Variants in PDE2A observed in about 807,000 individuals in gnomAD.
PDE2A encodes the protein cGMP-dependent 3',5'-cyclic phosphodiesterase.
In PDE2A, 53 loss-of-function variants were observed where a neutral mutation model predicts 133.6. That is an observed-to-expected ratio of 0.40 (90% CI 0.32 to 0.50). The LOEUF (loss-of-function observed/expected upper bound fraction) is 0.50. Ranked by LOEUF, PDE2A falls within the 20% of genes least tolerant of loss-of-function variation. PDE2A has a pLI of 0.73. For synonymous variants in PDE2A, 491 were observed against 490.2 expected (o/e 1.00, Z -0.02); for missense variants, 796 against 1,232.4 (o/e 0.65, Z 5.30).
In PDE2A at chr11:72,633,369, G is replaced by A. The variant is rs1079117; in HGVS notation, c.144+8885C>T. 5.5e-3 allele frequency among the ~76,000 whole-genome samples: 833 copies of A among 152,338 alleles called. 5 individuals are homozygous for A. Among genetic ancestry groups the A allele is most frequent in the African/African-American group, 0.019 (793 of 41,574 alleles). Reference sequence around the variant, plus strand: ...CTGAGCCCCTCCTGAAGACACTGAAGGAGTGGCCCCAGGACTGAAGGGGGG... The same window carrying A: ...CTGAGCCCCTCCTGAAGACACTGAAAGAGTGGCCCCAGGACTGAAGGGGGG... On this transcript the variant is annotated intron_variant, in intron 2 of 30. Coordinates refer to ENST00000334456, the MANE Select transcript of PDE2A (RefSeq NM_002599.5).
At chr11:72,613,926 C>T (rs139653138) in intron 2 of PDE2A, among the ~76,000 whole-genome samples, 2,533 of 152,290 alleles carry the variant, frequency 0.017, 36 homozygotes, top group Middle Eastern at 0.041. Context: ...ACCTCTGTGC[C>T]TAGCATGGGT....
intron 6 of PDE2A, among the ~76,000 whole-genome samples, chr11:72,592,426 A>AG (rs908628436): frequency 6.6e-6 from 1 of 152,182 alleles, no homozygotes; most frequent in African/African-American, 2.4e-5. Context: ...GGAAGCTCAC[A>AG]GTCTGTCTGG....
intron 30 of PDE2A, 89 bp from the exon 31 acceptor site, chr11:72,577,683 T>A: frequency 1.1e-6 from 1 of 909,838 alleles, no homozygotes; most frequent in Non-Finnish European, 1.8e-6. Context: ...AAATAGAACT[T>A]CCACAAGGGC....
rs1421480522 is a variant in PDE2A, at chr11:72,577,674, A to G, written c.2616-80T>C. On this transcript the variant is annotated intron_variant, in intron 30 of 30. Transcript: ENST00000334456. ...CAAGAAAGACTAGGGCTACACAACA[A>G]ATAGAACTTCCACAAGGGCCAGGTA... 3.8e-6 allele frequency: 4 copies of G among 1,048,902 alleles called. No individual in the cohort carries two copies. In the East Asian group the frequency reaches 7.2e-5, roughly 19 times the overall value. The allele number at this position is 1,048,902 out of a possible 1,614,324, so 65.0% of individuals were successfully genotyped here.
chr11:72,580,557 G>T lies in PDE2A; in HGVS notation c.2181+20C>A. 1.9e-6 allele frequency: 3 copies of T among 1,550,840 alleles called. No homozygotes were observed. Among genetic ancestry groups the T allele is most frequent in the Non-Finnish European group, 8.8e-7 (1 of 1,140,832 alleles). On this transcript the variant is annotated intron_variant, in intron 25 of 30. Transcript: ENST00000334456. The stretch of plus-strand genomic sequence containing the variant: ...GGCCTTAAAGGGGAAGAAGGACGGG[G>T]TGGGACAGAAGAGTGATACCTCCAT...
chr11:72,585,680 T>G (rs1014273962), intron 14 of PDE2A, 87 bp from the exon 15 acceptor site: 23 of 1,110,756 alleles, frequency 2.1e-5, no homozygotes, highest in South Asian at 2.7e-5. Context: ...CACCCGGGTC[T>G]TCTCCTTCCT....
chr11:72,609,110 C>T (rs1196531109), intron 2 of PDE2A, among the ~76,000 whole-genome samples: 3 of 152,092 alleles, frequency 2.0e-5, no homozygotes, highest in Middle Eastern at 3.2e-3. Flanking sequence ...ACAAAACAAG[C>T]AAACAAAAAA....
chr11:72,600,545 T>C (rs1856693961), intron 4 of PDE2A, among the ~76,000 whole-genome samples: 1 of 151,972 alleles, frequency 6.6e-6, no homozygotes, highest in East Asian at 1.9e-4. Context: ...TCCTGAAGTC[T>C]CCAAAGATGC....
chr11:72,594,051 C>A (rs969370961), intron 6 of PDE2A, among the ~76,000 whole-genome samples: 2 of 152,254 alleles, frequency 1.3e-5, no homozygotes, highest in African/African-American at 4.8e-5. Context: ...CTTCTCACCA[C>A]CAACCCTCCA....
chr11:72,611,755 G>A (rs1462333517), intron 2 of PDE2A, among the ~76,000 whole-genome samples: 1 of 152,200 alleles, frequency 6.6e-6, no homozygotes, highest in Non-Finnish European at 1.5e-5. Flanking sequence ...GGAGGGTGTT[G>A]GGTGCAGGAA....
intron 7 of PDE2A, chr11:72,591,021 C>A: frequency 2.2e-6 from 1 of 449,980 alleles, no homozygotes; most frequent in Non-Finnish European, 4.0e-6. Flanking sequence ...ATCAAAAAGT[C>A]GAAAATTGTA....
At chr11:72,615,079 C>A in intron 2 of PDE2A, 1 of 515,030 alleles carries the variant, frequency 1.9e-6, no homozygotes, top group Non-Finnish European at 4.1e-6. Context: ...CCAACAGGGC[C>A]GCGTCTCCAG....
At chr11:72,648,941 C>T (rs535587749) in intron 1 of PDE2A, among the ~76,000 whole-genome samples, 1 of 152,206 alleles carries the variant, frequency 6.6e-6, no homozygotes, top group African/African-American at 2.4e-5. Context: ...GGTGGCCACG[C>T]CTGCTTCTGT....
intron 2 of PDE2A, among the ~76,000 whole-genome samples, chr11:72,622,369 A>G (rs1481169498): frequency 6.6e-6 from 1 of 152,234 alleles, no homozygotes; most frequent in Non-Finnish European, 1.5e-5. Flanking sequence ...ATCTGAAAGA[A>G]TTGGAAGCAG....
chr11:72,665,389 C>T (rs1350623014), intron 1 of PDE2A, among the ~76,000 whole-genome samples: 1 of 151,984 alleles, frequency 6.6e-6, no homozygotes, highest in Non-Finnish European at 1.5e-5. Flanking sequence ...CCACTCCACC[C>T]CAGAGTGTCC....
At chr11:72,584,424 G>T in intron 18 of PDE2A, 111 bp from the exon 19 acceptor site, 3 of 1,281,810 alleles carry the variant, frequency 2.3e-6, no homozygotes, top group East Asian at 2.5e-5. Context: ...TACGTCCCAG[G>T]CATGGAACCC....
rs776627251 is a variant in PDE2A at position 72,584,826 on chromosome 11, C to A, written c.1359+46G>T. The A allele has an allele frequency of 3.7e-6, 6 of 1,610,360 alleles. No individual in the cohort carries two copies. The South Asian group carries it at 6.6e-5, about 18-fold the overall frequency. ...GCCGCTCCCCAGCGCCGCCGGCGGA[C>A]TCCCGGACACCCCTAGGGCCACATA... On this transcript the variant is annotated intron_variant, in intron 17 of 30. Coordinates refer to ENST00000334456, the MANE Select transcript of PDE2A (RefSeq NM_002599.5).
chr11:72,669,636 G>GGA (rs1262566978), intron 1 of PDE2A, among the ~76,000 whole-genome samples: 2 of 152,224 alleles, frequency 1.3e-5, no homozygotes, highest in African/African-American at 4.8e-5. Flanking sequence ...GAGCAGACAA[G>GGA]GCTGTTCCGG....
In PDE2A at chr11:72,619,051, C is replaced by T. The variant is rs573763696; in HGVS notation, c.145-10300G>A. 2.6e-4 allele frequency among the ~76,000 whole-genome samples: 38 copies of T among 144,488 alleles called. No homozygotes were observed. The East Asian group carries it at 5.3e-3, about 20-fold the overall frequency. 94.8% of individuals were successfully genotyped at this position (144,488 alleles called of 152,430 possible). ...CCAGCATGAGCATGCACACAGCGTG[C>T]GCACACACACACACACACACGCACA... On this transcript the variant is annotated intron_variant, in intron 2 of 30. Coordinates refer to ENST00000334456, the MANE Select transcript of PDE2A (RefSeq NM_002599.5).
Sources: gnomAD v4.1 joint callset for allele counts (sites outside exome capture counted in the v4.1 genomes callset) on GRCh38, gnomAD v4.1.1 for gene constraint, MANE v1.5 for transcripts, NCBI Gene and HGNC (gene_info 2026-07-23, HGNC 2026-07-21) for gene names.